PLPP4: variants seen among roughly 807,000 people sequenced by gnomAD.
PLPP4 encodes diacylglycerol pyrophosphate like 2.
A neutral mutation model predicts 32.2 loss-of-function variants in PLPP4; 20 were observed. The ratio of observed to expected loss-of-function variants is 0.62; its 90% confidence interval spans 0.44 to 0.90. The LOEUF (loss-of-function observed/expected upper bound fraction) is 0.90. PLPP4 is among the 40% of genes least tolerant of loss of function. The probability of loss-of-function intolerance (pLI) is 0.00; values close to 1 mark genes in which losing one functional copy is unlikely to be tolerated. For missense variants in PLPP4, 257 were observed against 353.1 expected (o/e 0.73, Z 2.18); for synonymous variants, 127 against 133.0 (o/e 0.95, Z 0.31).
At chr10:120,523,384 G>T (rs566133594) in intron 5 of PLPP4, among the ~76,000 whole-genome samples, 164 of 151,902 alleles carry the variant, frequency 1.1e-3, no homozygotes, top group Non-Finnish European at 2.1e-3. Flanking sequence ...GTTTGGAGTT[G>T]CTTCCTCTCT....
At chr10:120,548,001 G>A (rs1037662517) in intron 5 of PLPP4, among the ~76,000 whole-genome samples, 2 of 152,094 alleles carry the variant, frequency 1.3e-5, no homozygotes, top group African/African-American at 4.8e-5. Context: ...TAAGAATAAT[G>A]AACACATGTG....
At chr10:120,515,611 G>A (rs1845904677) in intron 3 of PLPP4, among the ~76,000 whole-genome samples, 1 of 152,172 alleles carries the variant, frequency 6.6e-6, no homozygotes, top group South Asian at 2.1e-4. Flanking sequence ...GCCCTTGTGT[G>A]GCTTGGACTT....
rs1041169 is a variant in PLPP4, at chr10:120,459,248, C to T, written c.56+1887C>T. Among the ~76,000 whole-genome samples, 788 of 152,316 alleles carry T rather than the reference C, an allele frequency of 5.2e-3. 13 individuals carry two copies. The highest frequency in any genetic ancestry group is 0.018 in the African/African-American group (751 of 41,562). ...ACTTAATAGGGGATCTGTTGTCACACATGGACATTGATAGCATTTTTGGAT... is the reference window on the plus strand; with the variant it reads ...ACTTAATAGGGGATCTGTTGTCACATATGGACATTGATAGCATTTTTGGAT... On this transcript the variant is annotated intron_variant, in intron 1 of 6. Transcript: ENST00000398250.
At chr10:120,480,718 C>T (rs1239749560) in intron 1 of PLPP4, among the ~76,000 whole-genome samples, 2 of 152,314 alleles carry the variant, frequency 1.3e-5, no homozygotes, top group Admixed American at 1.3e-4. Context: ...ATACTATTAA[C>T]AGCAGTAAGG....
At chr10:120,514,043 C>G in intron 3 of PLPP4, 42 bp downstream of exon 3, 1 of 1,390,602 alleles carries the variant, frequency 7.2e-7, no homozygotes, top group Non-Finnish European at 1.0e-6. Context: ...TGGGGCTGAC[C>G]TTAATTAGAT....
At position 120,591,255 on chromosome 10, in the gene PLPP4, C is replaced by T. The variant is rs761405733; in HGVS notation, c.*1753C>T. The stretch of plus-strand genomic sequence containing the variant: ...TGGAGTGCATGTACCACTGACTATG[C>T]TCCATGAGCCCCAGTGCAGCCCTCT... On this transcript the variant is annotated 3_prime_UTR_variant, in exon 7 of 7. Transcript: ENST00000398250. 4.6e-5 allele frequency among the ~76,000 whole-genome samples: 7 copies of T among 152,162 alleles called. No homozygotes were observed. The highest frequency in any genetic ancestry group is 1.0e-4 in the Non-Finnish European group (7 of 68,038).
intron 2 of PLPP4, among the ~76,000 whole-genome samples, chr10:120,507,780 A>G (rs1386531167): frequency 6.6e-6 from 1 of 152,100 alleles, no homozygotes; most frequent in Admixed American, 6.5e-5. Flanking sequence ...ATAGAGCTAG[A>G]CTGGGGGTAG....
chr10:120,511,951 G>A (rs377724525), intron 2 of PLPP4, among the ~76,000 whole-genome samples: 32 of 152,130 alleles, frequency 2.1e-4, no homozygotes, highest in Non-Finnish European at 2.8e-4. Flanking sequence ...AAACTTAGCC[G>A]GGCGTGGTGG....
At chr10:120,494,352 C>G (rs1298384263) in intron 1 of PLPP4, among the ~76,000 whole-genome samples, 1 of 152,192 alleles carries the variant, frequency 6.6e-6, no homozygotes, top group Non-Finnish European at 1.5e-5. Context: ...TGAGGCCTGA[C>G]AAGTCAAGCA....
intron 6 of PLPP4, chr10:120,581,167 C>T (rs1257297760): frequency 8.1e-6 from 8 of 985,318 alleles, no homozygotes; most frequent in African/African-American, 3.5e-5. Flanking sequence ...GGTGTTTCCC[C>T]GTGATGTAAT....
At chr10:120,568,686 G>C (rs1174783295) in intron 5 of PLPP4, among the ~76,000 whole-genome samples, 5 of 152,114 alleles carry the variant, frequency 3.3e-5, no homozygotes, top group East Asian at 1.9e-4. Context: ...ATGGAAAAAG[G>C]CAATTTCTTT....
At chr10:120,574,542 G>A (rs1278489931) in intron 5 of PLPP4, among the ~76,000 whole-genome samples, 1 of 152,086 alleles carries the variant, frequency 6.6e-6, no homozygotes, top group African/African-American at 2.4e-5. Flanking sequence ...ATTTGTCATC[G>A]CTGACTTCTC....
intron 5 of PLPP4, among the ~76,000 whole-genome samples, chr10:120,549,583 A>G (rs1022910495): frequency 9.2e-5 from 14 of 152,024 alleles, no homozygotes; most frequent in South Asian, 2.1e-4. Context: ...GAAGAAAACT[A>G]TAGGCCAATA....
At chr10:120,518,303 A>G (rs962215822) in intron 3 of PLPP4, among the ~76,000 whole-genome samples, 2 of 152,146 alleles carry the variant, frequency 1.3e-5, no homozygotes, top group Non-Finnish European at 2.9e-5. Flanking sequence ...TGGACTCTGC[A>G]CCTTGGCAGA....
At chr10:120,507,118 G>T (rs539610938) in intron 2 of PLPP4, among the ~76,000 whole-genome samples, 2 of 152,248 alleles carry the variant, frequency 1.3e-5, no homozygotes, top group African/African-American at 4.8e-5. Context: ...TATACTTTTT[G>T]TTGTCTATAG....
At chr10:120,556,829 C>T (rs1252876957) in intron 5 of PLPP4, among the ~76,000 whole-genome samples, 1 of 151,948 alleles carries the variant, frequency 6.6e-6, no homozygotes, top group Non-Finnish European at 1.5e-5. Flanking sequence ...TTTGTATCCA[C>T]ATCTACCTAT....
At chr10:120,489,300 C>A (rs574145396) in intron 1 of PLPP4, among the ~76,000 whole-genome samples, 1 of 152,162 alleles carries the variant, frequency 6.6e-6, no homozygotes, top group African/African-American at 2.4e-5. Context: ...TGGACCAGTT[C>A]GTCTTAATGA....
chr10:120,573,992 A>C (rs79936087), intron 5 of PLPP4, among the ~76,000 whole-genome samples: 1 of 152,162 alleles, frequency 6.6e-6, no homozygotes, highest in Non-Finnish European at 1.5e-5. Context: ...TAGGAGCTCC[A>C]TCCCCTCAGA....
chr10:120,534,723 G>A (rs558338864), intron 5 of PLPP4, among the ~76,000 whole-genome samples: 32 of 152,000 alleles, frequency 2.1e-4, no homozygotes, highest in African/African-American at 7.7e-4. Flanking sequence ...CCAATCTACT[G>A]CTAAGGCCCT....
Sources: gnomAD v4.1 joint callset for allele counts (sites outside exome capture counted in the v4.1 genomes callset) on GRCh38, gnomAD v4.1.1 for gene constraint, MANE v1.5 for transcripts, NCBI Gene and HGNC (gene_info 2026-07-23, HGNC 2026-07-21) for gene names.